Variants in USH2A observed in about 807,000 individuals in gnomAD.
USH2A encodes Usher syndrome 2A (autosomal recessive, mild).
USH2A carries 443 observed loss-of-function variants against 538.9 expected under a neutral mutation model. That is an observed-to-expected ratio of 0.82 (90% confidence interval 0.76 to 0.89). The LOEUF is 0.89. Among genes scored for constraint, USH2A ranks in the 40% least tolerant of loss-of-function variants. The pLI is 0.00. For synonymous variants in USH2A, 2,413 were observed against 2,273.5 expected (o/e 1.06, Z -1.75); for missense variants, 6,633 against 6,324.8 (o/e 1.05, Z -1.65).
chr1:216,042,091 T>C (rs2030298983), intron 32 of USH2A, among the ~76,000 whole-genome samples: 1 of 152,048 alleles, frequency 6.6e-6, no homozygotes, highest in Non-Finnish European at 1.5e-5. Flanking sequence ...ATATCCATTA[T>C]ATGCTATATG....
At chr1:216,007,757 A>G (rs539447261) in intron 32 of USH2A, among the ~76,000 whole-genome samples, 3 of 152,260 alleles carry the variant, frequency 2.0e-5, no homozygotes, top group Non-Finnish European at 2.9e-5. Flanking sequence ...CTGGGTGGCC[A>G]CACTCCAGAT....
chr1:215,674,674 G>A lies in USH2A; in HGVS notation c.13237C>T (p.Pro4413Ser). 1.2e-6 allele frequency: 2 copies of A among 1,614,184 alleles called. No individual in the cohort carries two copies. Among genetic ancestry groups the A allele is most frequent in the South Asian group, 1.1e-5 (1 of 91,084 alleles). The change falls in exon 63 of 72, where the codon CCT (proline) becomes TCT (serine). Residue 4413 changes from proline (P) to serine (S), a missense_variant. By Grantham distance (74) the Pro-to-Ser change is moderately conservative. Transcript: ENST00000307340. ...AGGGAGAAGTTATACTGAGAGTAAG[G>A]CTGCAGGTGGGAAACCAGCAGGCAC... ...GLCLLVSHLQPYSQYNFSLVA... is the reference protein window; with the variant it reads ...GLCLLVSHLQSYSQYNFSLVA...
chr1:216,271,547 T>C (rs912404649), intron 11 of USH2A, among the ~76,000 whole-genome samples: 3 of 152,106 alleles, frequency 2.0e-5, no homozygotes, highest in Non-Finnish European at 4.4e-5. Context: ...TAGACTTCTG[T>C]TACAATTTTT....
intron 47 of USH2A, among the ~76,000 whole-genome samples, chr1:215,819,133 T>G (rs1558112837): frequency 6.6e-6 from 1 of 151,842 alleles, no homozygotes; most frequent in Non-Finnish European, 1.5e-5. Flanking sequence ...CATATATACT[T>G]TGGAATAAAG....
At chr1:216,020,772 C>G (rs1200494183) in intron 32 of USH2A, among the ~76,000 whole-genome samples, 1 of 152,100 alleles carries the variant, frequency 6.6e-6, no homozygotes, top group East Asian at 1.9e-4. Flanking sequence ...ATCAATCATG[C>G]CTATGTCATG....
chr1:215,917,500 G>A (rs1366785214), intron 38 of USH2A, among the ~76,000 whole-genome samples: 2 of 151,700 alleles, frequency 1.3e-5, no homozygotes, highest in African/African-American at 4.8e-5. Flanking sequence ...ATAATTCACT[G>A]AAGAATTTAG....
chr1:215,995,643 G>A (rs1051505442), intron 34 of USH2A, among the ~76,000 whole-genome samples: 2 of 152,156 alleles, frequency 1.3e-5, no homozygotes, highest in Non-Finnish European at 2.9e-5. Context: ...AAACAAAATA[G>A]TGGGGTTGAT....
At chr1:216,024,620 G>A (rs1668920138) in intron 32 of USH2A, among the ~76,000 whole-genome samples, 1 of 151,976 alleles carries the variant, frequency 6.6e-6, no homozygotes, top group African/African-American at 2.4e-5. Context: ...AAGGAAACAT[G>A]TATTTGACTT....
intron 67 of USH2A, 21 bp from the exon 68 acceptor site, chr1:215,640,755 G>T (rs754927793): frequency 1.3e-6 from 2 of 1,504,094 alleles, no homozygotes; most frequent in Non-Finnish European, 1.8e-6. Context: ...AAAGTTGTAT[G>T]TTCTAAAAAG....
At chr1:216,354,589 A>C (rs1053256575) in intron 4 of USH2A, among the ~76,000 whole-genome samples, 8 of 152,204 alleles carry the variant, frequency 5.3e-5, no homozygotes, top group Admixed American at 5.2e-4. Context: ...TATAATTTAG[A>C]AATCAACAGT....
intron 71 of USH2A, among the ~76,000 whole-genome samples, chr1:215,627,449 C>CCTTCCTTCT (rs1558027577): frequency 0.011 from 947 of 83,756 alleles, 53 homozygotes; most frequent in Middle Eastern, 0.014. Context: ...TCCTTCCTTC[C>CCTTCCTTCT]TTCCTTCCTT....
intron 32 of USH2A, among the ~76,000 whole-genome samples, chr1:216,037,203 G>T (rs187880327): frequency 6.6e-6 from 1 of 152,052 alleles, no homozygotes; most frequent in Non-Finnish European, 1.5e-5. Context: ...ATGATTTTCC[G>T]TGAAAACTGT....
chr1:216,071,364 G>A (rs909238390), intron 29 of USH2A, among the ~76,000 whole-genome samples: 1 of 152,126 alleles, frequency 6.6e-6, no homozygotes, highest in East Asian at 1.9e-4. Context: ...AAACACACAG[G>A]CCACAAGATC....
intron 38 of USH2A, among the ~76,000 whole-genome samples, chr1:215,930,871 T>C (rs1037381973): frequency 6.6e-6 from 1 of 151,986 alleles, no homozygotes; most frequent in Admixed American, 6.6e-5. Context: ...TTCGTTTTTA[T>C]TTTTTTAATT....
rs753847601 is a variant in USH2A, at chr1:215,648,733, G to A, written c.14377C>T (p.His4793Tyr). Reference protein sequence around the residue: ...SEGMATQQTLHGLQAFTNYSI... With the variant: ...SEGMATQQTLYGLQAFTNYSI... ...TAGTTAGTGAAGGCTTGAAGGCCAT[G>A]GAGAGTCTGCTGGGTGGCCATGCCT... Residue 4793 changes from histidine (H) to tyrosine (Y), a missense_variant, in exon 66 of 72, where the codon CAT becomes TAT. His to Tyr is a moderately conservative substitution (Grantham distance 83). Coordinates refer to ENST00000307340, the MANE Select transcript of USH2A (RefSeq NM_206933.4). 12 of 1,614,166 alleles carry A rather than the reference G, an allele frequency of 7.4e-6. No individual in the cohort carries two copies. In the East Asian group the frequency reaches 2.5e-4, roughly 33 times the overall value.
chr1:216,380,565 T>A lies in USH2A; in HGVS notation c.652-15480A>T, dbSNP rs191424519. 5.3e-3 allele frequency among the ~76,000 whole-genome samples: 805 copies of A among 152,070 alleles called. 10 individuals carry two copies. Among genetic ancestry groups the A allele is most frequent in the African/African-American group, 0.019 (780 of 41,482 alleles). On this transcript the variant is annotated intron_variant, in intron 3 of 71. Coordinates refer to ENST00000307340, the MANE Select transcript of USH2A (RefSeq NM_206933.4). ...AATAGAGCTCAGGGAAGGCTAAGAG[T>A]GAATATATCTGTGAACAGAAAAAAA...
chr1:216,172,913 T>C (rs2034298943), intron 21 of USH2A, among the ~76,000 whole-genome samples: 1 of 152,138 alleles, frequency 6.6e-6, no homozygotes, highest in African/African-American at 2.4e-5. Flanking sequence ...AAAGTTCCTT[T>C]CCACCCTGTA....
chr1:215,662,858 T>C (rs187803508), intron 64 of USH2A, among the ~76,000 whole-genome samples: 1 of 152,292 alleles, frequency 6.6e-6, no homozygotes, highest in East Asian at 1.9e-4. Flanking sequence ...CCTAATTAAA[T>C]GCAAGTCCAA....
At chr1:216,094,616 T>A (rs961555484) in intron 22 of USH2A, among the ~76,000 whole-genome samples, 1 of 152,236 alleles carries the variant, frequency 6.6e-6, no homozygotes, top group African/African-American at 2.4e-5. Context: ...TTCTTCTTTT[T>A]ATATTTCTGA....
Sources: allele counts gnomAD v4.1 joint callset (sites outside exome capture counted in the v4.1 genomes callset), GRCh38; gene constraint gnomAD v4.1.1; transcripts MANE v1.5; gene names NCBI Gene and HGNC (gene_info 2026-07-23, HGNC 2026-07-21).